SGCZ: variants seen among roughly 807,000 people sequenced by gnomAD.
SGCZ encodes zeta-sarcoglycan.
SGCZ carries 40 observed loss-of-function variants against 41.3 expected under a neutral mutation model. The observed-to-expected ratio is 0.97, with a 90% CI of 0.75 to 1.26. The LOEUF is 1.26. Among genes scored for constraint, SGCZ ranks in the 50% most tolerant of loss-of-function variants. The probability of loss-of-function intolerance (pLI) is 0.00; values close to 1 mark genes in which losing one functional copy is unlikely to be tolerated. For synonymous variants in SGCZ, 206 were observed against 137.5 expected, an observed-to-expected ratio of 1.50 and a Z score of -3.49; for missense variants, 552 against 369.8, an observed-to-expected ratio of 1.49 and a Z score of -4.04.
At chr8:14,865,616 G>C (rs28546205) in intron 1 of SGCZ, among the ~76,000 whole-genome samples, 8,342 of 152,176 alleles carry the variant, frequency 0.055, 307 homozygotes, top group African/African-American at 0.092. Flanking sequence ...AGCAAGCAAT[G>C]ATGTTCATGG....
intron 2 of SGCZ, among the ~76,000 whole-genome samples, chr8:14,348,971 G>T (rs1314935212): frequency 2.0e-5 from 3 of 152,008 alleles, no homozygotes; most frequent in East Asian, 3.9e-4. Context: ...TTTTTACTGT[G>T]TTACGTAAAT....
chr8:15,107,234 C>G (rs1806865276), intron 1 of SGCZ, among the ~76,000 whole-genome samples: 1 of 152,130 alleles, frequency 6.6e-6, no homozygotes, highest in Non-Finnish European at 1.5e-5. Context: ...CTTTTGTTCT[C>G]AAAGTAGCAC....
intron 5 of SGCZ, among the ~76,000 whole-genome samples, chr8:14,140,011 G>C (rs1803317590): frequency 6.6e-6 from 1 of 151,942 alleles, no homozygotes; most frequent in Non-Finnish European, 1.5e-5. Context: ...TTTATCCCTG[G>C]GATGCAAGGC....
At chr8:15,135,031 T>A (rs1808055597) in intron 1 of SGCZ, among the ~76,000 whole-genome samples, 1 of 152,178 alleles carries the variant, frequency 6.6e-6, no homozygotes, top group East Asian at 1.9e-4. Context: ...TTTGAGTGAT[T>A]TGAGTTCATT....
intron 4 of SGCZ, among the ~76,000 whole-genome samples, chr8:14,176,055 T>C (rs1038425387): frequency 3.3e-5 from 5 of 152,090 alleles, no homozygotes; most frequent in East Asian, 1.9e-4. Flanking sequence ...CAAAGCAACA[T>C]TGGACCAAAG....
intron 1 of SGCZ, among the ~76,000 whole-genome samples, chr8:14,976,110 C>G (rs1801470513): frequency 6.6e-6 from 1 of 151,118 alleles, no homozygotes; most frequent in Admixed American, 6.6e-5. Flanking sequence ...GTAACCTCTG[C>G]CTCCTGGTTT....
rs1585059367 is a variant in SGCZ, at chr8:14,538,027, A to G, written c.234+16705T>C. Among the ~76,000 whole-genome samples, 5 of 152,072 alleles carry G rather than the reference A, an allele frequency of 3.3e-5. No homozygotes were observed. The South Asian group carries it at 1.0e-3, about 32-fold the overall frequency. On this transcript the variant is annotated intron_variant, in intron 2 of 7. Coordinates refer to ENST00000382080, the MANE Select transcript of SGCZ (RefSeq NM_139167.4). ...CCATTCTAAATGATTCAAGATGAAT[A>G]CCACTAACGTTAATTAGGCCCACTG...
At chr8:14,835,781 A>C (rs1168302198) in intron 1 of SGCZ, among the ~76,000 whole-genome samples, 1 of 152,204 alleles carries the variant, frequency 6.6e-6, no homozygotes, top group Non-Finnish European at 1.5e-5. Flanking sequence ...AAAGCCACTG[A>C]TTCTCAATTC....
intron 1 of SGCZ, among the ~76,000 whole-genome samples, chr8:14,991,333 T>C (rs1802007228): frequency 6.6e-6 from 1 of 152,048 alleles, no homozygotes; most frequent in African/African-American, 2.4e-5. Context: ...ACCAAGGAGT[T>C]TGTTGAAATG....
At chr8:14,867,180 T>C (rs1385288168) in intron 1 of SGCZ, among the ~76,000 whole-genome samples, 1 of 152,184 alleles carries the variant, frequency 6.6e-6, no homozygotes, top group African/African-American at 2.4e-5. Flanking sequence ...GAAATATGTT[T>C]CTAAAGCTTG....
At chr8:14,742,950 T>C (rs1000691694) in intron 1 of SGCZ, among the ~76,000 whole-genome samples, 5 of 152,128 alleles carry the variant, frequency 3.3e-5, no homozygotes, top group African/African-American at 9.7e-5. Context: ...ATGATTTTCA[T>C]AGGAAACTGC....
At chr8:14,454,074 G>A (rs920617153) in intron 2 of SGCZ, among the ~76,000 whole-genome samples, 3 of 152,018 alleles carry the variant, frequency 2.0e-5, no homozygotes, top group South Asian at 2.1e-4. Context: ...TGCTATCTAC[G>A]ATGACGTCCG....
intron 1 of SGCZ, among the ~76,000 whole-genome samples, chr8:14,976,167 G>A (rs1330355715): frequency 1.3e-5 from 2 of 151,558 alleles, no homozygotes; most frequent in East Asian, 2.0e-4. Flanking sequence ...GGATACAGGC[G>A]CTCACCACCA....
At chr8:15,097,815 CGTGTGTGT>C (rs1806414406) in intron 1 of SGCZ, among the ~76,000 whole-genome samples, 4 of 74,488 alleles carry the variant, frequency 5.4e-5, no homozygotes, top group Admixed American at 3.7e-4. Flanking sequence ...TATATATATA[CGTGTGTGT>C]ATATATATAT....
chr8:15,061,378 T>C (rs890655062), intron 1 of SGCZ, among the ~76,000 whole-genome samples: 3 of 151,720 alleles, frequency 2.0e-5, no homozygotes, highest in African/African-American at 7.3e-5. Context: ...CACCGGGGCC[T>C]GTTGGGGGTG....
chr8:14,555,893 T>C (rs757406985), intron 1 of SGCZ, among the ~76,000 whole-genome samples: 3 of 152,094 alleles, frequency 2.0e-5, no homozygotes, highest in Admixed American at 1.3e-4. Context: ...ATTTTAGTTG[T>C]ATTTCAATGA....
At chr8:14,862,747 C>G (rs1410680438) in intron 1 of SGCZ, among the ~76,000 whole-genome samples, 2 of 151,732 alleles carry the variant, frequency 1.3e-5, no homozygotes, top group Non-Finnish European at 2.9e-5. Flanking sequence ...AGAGGCCTTT[C>G]TCACATCTTT....
chr8:14,231,959 T>G (rs966339531), intron 4 of SGCZ, among the ~76,000 whole-genome samples: 259 of 152,162 alleles, frequency 1.7e-3, no homozygotes, highest in African/African-American at 6.0e-3. Flanking sequence ...ATAGAAACTT[T>G]AGATATATGT....
At chr8:14,127,169 AAAAT>A (rs202145346) in intron 5 of SGCZ, among the ~76,000 whole-genome samples, 1 of 151,654 alleles carries the variant, frequency 6.6e-6, no homozygotes, top group African/African-American at 2.4e-5. Context: ...AGATAAAATT[AAAAT>A]AAATAAATAA....
Sources: allele counts gnomAD v4.1 joint callset (sites outside exome capture counted in the v4.1 genomes callset), GRCh38; gene constraint gnomAD v4.1.1; transcripts MANE v1.5; gene names NCBI Gene and HGNC (gene_info 2026-07-23, HGNC 2026-07-21).